The following ADAD1 variants were observed in gnomAD, a reference collection of about 807,000 sequenced individuals.
ADAD1 encodes the protein adenosine deaminase domain containing 1.
In ADAD1, 46 loss-of-function variants were observed where a neutral mutation model predicts 66.8. That is an observed-to-expected ratio of 0.69 (90% CI 0.54 to 0.88). The LOEUF (loss-of-function observed/expected upper bound fraction) is 0.88, where lower values mean the gene tolerates loss of function less well. Ranked by LOEUF, ADAD1 falls within the 40% of genes least tolerant of loss-of-function variation. ADAD1 has a pLI of 0.00. For synonymous variants in ADAD1, 248 were observed against 229.4 expected (o/e 1.08, Z -0.73); for missense variants, 617 against 681.8 (o/e 0.91, Z 1.06).
chr4:122,421,518 T>C (rs997642816), intron 12 of ADAD1, 128 bp downstream of exon 12: 1 of 906,484 alleles, frequency 1.1e-6, no homozygotes, highest in African/African-American at 1.7e-5. Flanking sequence ...TACCAGGTAA[T>C]GGTAAAATTG....
intron 5 of ADAD1, among the ~76,000 whole-genome samples, chr4:122,389,011 A>T (rs959588638): frequency 1.3e-5 from 2 of 152,188 alleles, no homozygotes; most frequent in Non-Finnish European, 2.9e-5. Flanking sequence ...TTAGTGCTAT[A>T]AATTTCCCTC....
chr4:122,384,262 T>A (rs76767410), intron 5 of ADAD1, among the ~76,000 whole-genome samples: 1 of 152,180 alleles, frequency 6.6e-6, no homozygotes, highest in African/African-American at 2.4e-5. Context: ...TAGATTCTTA[T>A]TATGAATGTA....
Position 122,396,346 on chromosome 4 carries a change from C to T in ADAD1, c.693C>T (p.Ser231=), listed in dbSNP as rs1303679481. Residue 231 remains serine, a synonymous_variant, in exon 7 of 13, where the codon AGC becomes AGT. Coordinates refer to ENST00000296513, the MANE Select transcript of ADAD1 (RefSeq NM_139243.4). ...ATCGTTCAGAATACCTGAAATATAG[C>T]AGTTCATTGGCTGCTTTTATAATTG... ...ISNRSEYLKY[S]SSLAAFIIER... The T allele has an allele frequency of 1.3e-6, 2 of 1,594,184 alleles. No individual in the cohort carries two copies. Among genetic ancestry groups the T allele is most frequent in the South Asian group, 2.3e-5 (2 of 86,452 alleles).
intron 5 of ADAD1, among the ~76,000 whole-genome samples, chr4:122,387,738 G>C (rs6827824): frequency 0.25 from 37,569 of 151,336 alleles, 5,663 homozygotes; most frequent in Middle Eastern, 0.51. Context: ...TATATATTGA[G>C]AGGTTTTTTT....
At chr4:122,387,742 T>G (rs959920816) in intron 5 of ADAD1, among the ~76,000 whole-genome samples, 14 of 141,820 alleles carry the variant, frequency 9.9e-5, no homozygotes, top group African/African-American at 2.9e-4. Flanking sequence ...TATTGAGAGG[T>G]TTTTTTTTTT....
At chr4:122,393,122 G>C (rs1580752225) in intron 5 of ADAD1, among the ~76,000 whole-genome samples, 1 of 148,654 alleles carries the variant, frequency 6.7e-6, no homozygotes, top group Non-Finnish European at 1.5e-5. Flanking sequence ...AAATTGAAAA[G>C]CAGTTGTAAA....
At chr4:122,399,078 C>T (rs1795849002) in intron 7 of ADAD1, among the ~76,000 whole-genome samples, 1 of 152,112 alleles carries the variant, frequency 6.6e-6, no homozygotes, top group Non-Finnish European at 1.5e-5. Context: ...CCAATGTTAT[C>T]TTCTAGAATT....
chr4:122,415,267 G>T, intron 10 of ADAD1, 112 bp from the exon 11 acceptor site: 3 of 798,176 alleles, frequency 3.8e-6, no homozygotes, highest in South Asian at 3.7e-5. Context: ...AGGGAAGGTT[G>T]AAAGATAAAG....
At chr4:122,421,472 C>A in intron 12 of ADAD1, 82 bp downstream of exon 12, 2 of 1,250,360 alleles carry the variant, frequency 1.6e-6, no homozygotes, top group East Asian at 2.9e-5. Context: ...TTATCCTTAG[C>A]AAAAGTTTGT....
intron 11 of ADAD1, among the ~76,000 whole-genome samples, chr4:122,416,108 G>C (rs1338440086): frequency 6.6e-6 from 1 of 152,074 alleles, no homozygotes; most frequent in Non-Finnish European, 1.5e-5. Flanking sequence ...TAACCCTGTA[G>C]GTTGAGAGAT....
intron 8 of ADAD1, among the ~76,000 whole-genome samples, chr4:122,409,565 A>G (rs1428331612): frequency 6.6e-6 from 1 of 152,188 alleles, no homozygotes; most frequent in Non-Finnish European, 1.5e-5. Flanking sequence ...TTTAAAATGT[A>G]CAATTAAATT....
intron 12 of ADAD1, among the ~76,000 whole-genome samples, chr4:122,424,053 G>A (rs1797125515): frequency 6.6e-6 from 1 of 152,226 alleles, no homozygotes; most frequent in Admixed American, 6.5e-5. Flanking sequence ...CCAAAGGGCA[G>A]TATAATGGCA....
intron 4 of ADAD1, 124 bp from the exon 5 acceptor site, chr4:122,383,675 A>G: frequency 9.4e-7 from 1 of 1,064,438 alleles, no homozygotes; most frequent in South Asian, 1.8e-5. Context: ...AAGGACTTGT[A>G]AAGTTGGTGT....
intron 12 of ADAD1, among the ~76,000 whole-genome samples, chr4:122,428,962 A>C (rs1797385441): frequency 6.6e-6 from 1 of 152,178 alleles, no homozygotes; most frequent in Non-Finnish European, 1.5e-5. Context: ...ATTTATAAAA[A>C]ATGAAAATTC....
At chr4:122,422,206 C>T (rs1207810761) in intron 12 of ADAD1, among the ~76,000 whole-genome samples, 1 of 144,140 alleles carries the variant, frequency 6.9e-6, no homozygotes, top group Non-Finnish European at 1.5e-5. Flanking sequence ...CTCACTGCAA[C>T]TTCTGCCTCC....
chr4:122,395,618 T>C (rs1299080948), intron 6 of ADAD1, among the ~76,000 whole-genome samples: 1 of 150,936 alleles, frequency 6.6e-6, no homozygotes, highest in East Asian at 2.0e-4. Context: ...GAGGCCGAGA[T>C]CATGCCACTG....
In ADAD1 at chr4:122,393,598, C is replaced by G. The variant is rs746108660; in HGVS notation, c.539C>G (p.Pro180Arg). The change falls in exon 6 of 13, where the codon CCT (proline) becomes CGT (arginine). Residue 180 changes from proline to arginine, a missense_variant. Physicochemically the swap from Pro to Arg is moderately radical, Grantham distance 103. Coordinates refer to ENST00000296513, the MANE Select transcript of ADAD1 (RefSeq NM_139243.4). The stretch of plus-strand genomic sequence containing the variant: ...TTTGTTTTGTTTACAGGTCCTCCTC[C>G]TTTCCCTGCAGAACCTGTTGTTTTA... ...PRILETSGPP[P>R]FPAEPVVLSE... 1.3e-6 allele frequency: 2 copies of G among 1,597,114 alleles called. No homozygotes were observed. Among genetic ancestry groups the G allele is most frequent in the Non-Finnish European group, 1.7e-6 (2 of 1,173,416 alleles).
At chr4:122,393,070 T>C (rs1457634535) in intron 5 of ADAD1, among the ~76,000 whole-genome samples, 1 of 149,218 alleles carries the variant, frequency 6.7e-6, no homozygotes, top group East Asian at 1.9e-4. Flanking sequence ...TCAGGTTTAG[T>C]GGTTTTTAAA....
chr4:122,428,843 A>G (rs1797380202), intron 12 of ADAD1, among the ~76,000 whole-genome samples: 1 of 152,152 alleles, frequency 6.6e-6, no homozygotes, highest in Non-Finnish European at 1.5e-5. Context: ...ACATGCCTCT[A>G]TGAATTCATT....
Sources: gnomAD v4.1 joint callset for allele counts (sites outside exome capture counted in the v4.1 genomes callset) on GRCh38, gnomAD v4.1.1 for gene constraint, MANE v1.5 for transcripts, NCBI Gene and HGNC (gene_info 2026-07-23, HGNC 2026-07-21) for gene names.